MSRA: variants seen among roughly 807,000 people sequenced by gnomAD.
MSRA encodes methionine sulfoxide reductase A, also known as mitochondrial peptide methionine sulfoxide reductase.
In MSRA, 54 loss-of-function variants were observed where a neutral mutation model predicts 31.3. The observed-to-expected ratio is 1.73, with a 90% confidence interval of 1.39 to 2.17. MSRA has a LOEUF of 2.17. MSRA is among the 30% of genes most tolerant of loss of function. MSRA has a pLI of 0.00. For synonymous variants in MSRA, 169 were observed against 116.5 expected, an observed-to-expected ratio of 1.45 and a Z score of -2.90; for missense variants, 507 against 300.9, an observed-to-expected ratio of 1.69 and a Z score of -5.07.
intron 1 of MSRA, among the ~76,000 whole-genome samples, chr8:10,152,590 C>A (rs1027747679): frequency 3.3e-5 from 5 of 152,144 alleles, no homozygotes; most frequent in Admixed American, 3.3e-4. Context: ...AAATATTTCT[C>A]TTCATTGTTT....
intron 1 of MSRA, among the ~76,000 whole-genome samples, chr8:10,100,009 G>C (rs1435853433): frequency 6.6e-6 from 1 of 152,212 alleles, no homozygotes; most frequent in Admixed American, 6.5e-5. Context: ...GACAGAGAAG[G>C]TGGTGAGGGC....
rs189459777 is a variant in MSRA at position 10,372,057 on chromosome 8, G to C, written c.543+52068G>C. Among the ~76,000 whole-genome samples, 16 of 152,344 alleles carry C rather than the reference G, an allele frequency of 1.1e-4. No individual in the cohort carries two copies. In the East Asian group the frequency reaches 2.7e-3, roughly 26 times the overall value. ...CCATATAATCTTAAGCATTTGCAGC[G>C]ATTGTCATTGCCACCTCATGACAAT... On this transcript the variant is annotated intron_variant, in intron 5 of 5. Transcript: ENST00000317173.
rs182344902 is a variant in MSRA, at chr8:10,277,218, C to T, written c.332-24316C>T. ...CTTAAGACAGTAATAATCTAAGTCT[C>T]GTATCTTTTTCTCCTTACAATAATT... On this transcript the variant is annotated intron_variant, in intron 3 of 5. Transcript: ENST00000317173. 1.3e-3 allele frequency among the ~76,000 whole-genome samples: 205 copies of T among 152,258 alleles called. 4 individuals carry two copies. The Middle Eastern group carries it at 0.024, about 18-fold the overall frequency.
chr8:10,248,690 G>C (rs545681760), intron 3 of MSRA, among the ~76,000 whole-genome samples: 1 of 152,342 alleles, frequency 6.6e-6, no homozygotes, highest in Admixed American at 6.5e-5. Context: ...AATCGGAGTT[G>C]TGACTAGGCA....
intron 1 of MSRA, among the ~76,000 whole-genome samples, chr8:10,085,530 C>T (rs973960569): frequency 3.3e-5 from 5 of 152,116 alleles, no homozygotes; most frequent in African/African-American, 1.2e-4. Flanking sequence ...CTCAATAGCC[C>T]CTTGAAGGCA....
rs924729037 is a variant in MSRA, at chr8:10,428,130, C to T, written c.544-18C>T. The T allele has an allele frequency of 3.1e-6, 5 of 1,606,214 alleles. No individual in the cohort carries two copies. In the African/African-American group the frequency reaches 4.0e-5, roughly 13 times the overall value. ...TCTCTAGCATGGGAGCTGATGGCGC[C>T]TTTCTGTGTCCCCACAGGTTCTTTC... On this transcript the variant is annotated intron_variant, in intron 5 of 5. Transcript: ENST00000317173.
chr8:10,266,792 CAT>C (rs561327076), intron 3 of MSRA, among the ~76,000 whole-genome samples: 99 of 152,194 alleles, frequency 6.5e-4, no homozygotes, highest in Non-Finnish European at 1.3e-3. Context: ...GCAAAAGGCA[CAT>C]ATTGGATCTG....
At chr8:10,104,191 A>T (rs755774764) in intron 1 of MSRA, among the ~76,000 whole-genome samples, 18 of 152,150 alleles carry the variant, frequency 1.2e-4, no homozygotes, top group Non-Finnish European at 2.6e-4. Flanking sequence ...TGATCTCTAG[A>T]GGAGGACTTA....
chr8:10,342,245 C>T (rs1414398511), intron 5 of MSRA, among the ~76,000 whole-genome samples: 1 of 152,092 alleles, frequency 6.6e-6, no homozygotes, highest in South Asian at 2.1e-4. Context: ...CTCGGGACCT[C>T]TTTGCACCCA....
intron 1 of MSRA, among the ~76,000 whole-genome samples, chr8:10,196,531 CT>C (rs539574303): frequency 3.5e-4 from 53 of 152,080 alleles, no homozygotes; most frequent in Middle Eastern, 3.4e-3. Flanking sequence ...AGGACAGTAC[CT>C]TTTCTAAAAA....
intron 3 of MSRA, among the ~76,000 whole-genome samples, chr8:10,251,462 C>T (rs10503406): frequency 0.26 from 39,596 of 152,084 alleles, 6,207 homozygotes; most frequent in Non-Finnish European, 0.36. Context: ...TTGACATACT[C>T]CTGAAAATGC....
At chr8:10,184,991 G>C (rs1245064211) in intron 1 of MSRA, among the ~76,000 whole-genome samples, 1 of 152,224 alleles carries the variant, frequency 6.6e-6, no homozygotes, top group East Asian at 1.9e-4. Flanking sequence ...GTAGCCTTTT[G>C]ATCTTTATTG....
intron 1 of MSRA, among the ~76,000 whole-genome samples, chr8:10,206,910 C>A (rs1474870443): frequency 6.6e-6 from 1 of 152,216 alleles, no homozygotes; most frequent in Non-Finnish European, 1.5e-5. Flanking sequence ...CTAGACCCCT[C>A]CAAGCGTGGC....
chr8:10,237,486 A>G (rs1216779563), intron 2 of MSRA, among the ~76,000 whole-genome samples: 1 of 152,250 alleles, frequency 6.6e-6, no homozygotes, highest in Non-Finnish European at 1.5e-5. Context: ...AAGTTCAATA[A>G]AATTCTATTT....
chr8:10,184,267 A>G (rs1226986063), intron 1 of MSRA, among the ~76,000 whole-genome samples: 2 of 151,494 alleles, frequency 1.3e-5, no homozygotes, highest in Non-Finnish European at 2.9e-5. Context: ...GGTAGTGAGC[A>G]GTTCCCTCAC....
chr8:10,203,812 A>C (rs1282318577), intron 1 of MSRA, among the ~76,000 whole-genome samples: 1 of 152,228 alleles, frequency 6.6e-6, no homozygotes, highest in East Asian at 1.9e-4. Flanking sequence ...ATAGGAGATG[A>C]CAGCTCCAAG....
intron 1 of MSRA, among the ~76,000 whole-genome samples, chr8:10,076,754 C>G (rs1427935962): frequency 1.3e-5 from 2 of 152,076 alleles, no homozygotes; most frequent in African/African-American, 4.8e-5. Context: ...CTTTCCTAGT[C>G]TCCTGCCTTT....
At position 10,293,334 on chromosome 8, in the gene MSRA, T is replaced by G. The variant is rs565067114; in HGVS notation, c.332-8200T>G. On this transcript the variant is annotated intron_variant, in intron 3 of 5. Coordinates refer to ENST00000317173, the MANE Select transcript of MSRA (RefSeq NM_012331.5). ...CTTTGCAACAACAAAGATGAGCTAC[T>G]GCTTCCATTTGGATTCCTGCTCTTG... Among the ~76,000 whole-genome samples the G allele has an allele frequency of 4.6e-4, 70 of 152,342 alleles. 1 individual carries two copies. The South Asian group carries it at 0.014, about 31-fold the overall frequency.
intron 1 of MSRA, among the ~76,000 whole-genome samples, chr8:10,194,575 A>C (rs182147146): frequency 6.6e-6 from 1 of 152,214 alleles, no homozygotes; most frequent in Non-Finnish European, 1.5e-5. Flanking sequence ...AAAACCAAAA[A>C]ACAATTAACA....
Sources: gnomAD v4.1 joint callset for allele counts (sites outside exome capture counted in the v4.1 genomes callset) on GRCh38, gnomAD v4.1.1 for gene constraint, MANE v1.5 for transcripts, NCBI Gene and HGNC (gene_info 2026-07-23, HGNC 2026-07-21) for gene names.